The following TTI2 variants were observed in gnomAD, a reference collection of about 807,000 sequenced individuals.
The protein encoded by TTI2 is TELO2 interacting protein 2, also known as TELO2-interacting protein 2.
TTI2 carries 26 observed loss-of-function variants against 44.9 expected under a neutral mutation model. That is an observed-to-expected ratio of 0.58 (90% CI 0.42 to 0.80). The LOEUF (loss-of-function observed/expected upper bound fraction) is 0.80. Among genes scored for constraint, TTI2 ranks in the 30% least tolerant of loss-of-function variants. TTI2 has a pLI of 0.00. For synonymous variants in TTI2, 254 were observed against 250.9 expected (o/e 1.01, Z -0.12); for missense variants, 582 against 611.6 (o/e 0.95, Z 0.51).
Position 33,505,739 on chromosome 8 carries a change from C to T in TTI2, c.927+1490G>A, listed in dbSNP as rs527469889. The stretch of plus-strand genomic sequence containing the variant: ...CGCGATCTTGGCTCACCGCAACCTC[C>T]GCCTCCTGGGTTCAAGTGATTCTCC... On this transcript the variant is annotated intron_variant, in intron 4 of 7. Coordinates refer to ENST00000431156, the MANE Select transcript of TTI2 (RefSeq NM_001102401.4). 8.8e-4 allele frequency among the ~76,000 whole-genome samples: 133 copies of T among 151,982 alleles called. 1 individual carries two copies. The highest frequency in any genetic ancestry group is 2.5e-3 in the African/African-American group (103 of 41,464).
intron 7 of TTI2, 185 bp from the exon 8 acceptor site, chr8:33,499,462 A>G (rs965728891): frequency 1.1e-5 from 6 of 547,838 alleles, no homozygotes; most frequent in Non-Finnish European, 1.9e-5. Flanking sequence ...TATAGCTCTC[A>G]TGTATTGAAG....
At chr8:33,512,877 TAAAAAA>T (rs61291473) in intron 1 of TTI2, 165 bp from the exon 2 acceptor site, 22 of 93,164 alleles carry the variant, frequency 2.4e-4, no homozygotes, top group South Asian at 8.6e-4. Flanking sequence ...TCCGTCTCAG[TAAAAAA>T]AAAAAAAAAA....
In TTI2 at chr8:33,498,826, A is replaced by C. The variant is rs1167189011; in HGVS notation, c.*347T>G. On this transcript the variant is annotated 3_prime_UTR_variant, in exon 8 of 8. Coordinates refer to ENST00000431156, the MANE Select transcript of TTI2 (RefSeq NM_001102401.4). ...TGAAGAAAGCTAAGTTGTGAACAAGAGTGTTTTTATAGCATATGTGTTGAA... is the reference window on the plus strand; with the variant it reads ...TGAAGAAAGCTAAGTTGTGAACAAGCGTGTTTTTATAGCATATGTGTTGAA... 11 of 617,902 alleles carry C rather than the reference A, an allele frequency of 1.8e-5. No homozygotes were observed. The highest frequency in any genetic ancestry group is 9.2e-5 in the Admixed American group (3 of 32,782). The allele number at this position is 617,902 out of a possible 1,614,324, so 38.3% of individuals were successfully genotyped here.
rs962681131 is a variant in TTI2 at position 33,503,776 on chromosome 8, C to A, written c.1087G>T (p.Ala363Ser). The A allele has an allele frequency of 6.2e-7, 1 of 1,613,864 alleles. No individual in the cohort carries two copies. The highest frequency in any genetic ancestry group is 1.3e-5 in the African/African-American group (1 of 75,024). ...EHRLLLRRTY[A>S]RNLPAFVNRL... ...TTCACGAAAGCCGGCAGGTTTCTTG[C>A]GTAGGTCCTGCGTAAAAGAAGGCGG... The change falls in exon 5 of 8, where the codon GCA (alanine) becomes TCA (serine). Residue 363 changes from alanine (A) to serine (S), a missense_variant. Ala to Ser is a moderately conservative substitution (Grantham distance 99). Transcript: ENST00000431156.
intron 6 of TTI2, among the ~76,000 whole-genome samples, chr8:33,502,064 C>T (rs1809100207): frequency 6.6e-6 from 1 of 152,150 alleles, no homozygotes; most frequent in African/African-American, 2.4e-5. Context: ...CTGCTTCAGC[C>T]TCCTGAGTAG....
chr8:33,499,007 G>T lies in TTI2; in HGVS notation c.*166C>A. 2 of 635,556 alleles carry T rather than the reference G, an allele frequency of 3.1e-6. No homozygotes were observed. Among genetic ancestry groups the T allele is most frequent in the Non-Finnish European group, 5.4e-6 (2 of 367,140 alleles). The allele number at this position is 635,556 out of a possible 1,614,324, so 39.4% of individuals were successfully genotyped here. A position where few individuals can be genotyped will look rare whatever the true frequency, so the allele number is the denominator to read the frequency against. ...AATGGAAGGAGTTCAATTTTTTCTT[G>T]TTCTACTTTCCCTATTCTTATGGAG... is the stretch of plus-strand genomic sequence containing the variant. On this transcript the variant is annotated 3_prime_UTR_variant, in exon 8 of 8. Coordinates refer to ENST00000431156, the MANE Select transcript of TTI2 (RefSeq NM_001102401.4).
intron 2 of TTI2, 39 bp downstream of exon 2, chr8:33,511,928 G>C: frequency 6.2e-7 from 1 of 1,602,666 alleles, no homozygotes; most frequent in Non-Finnish European, 8.5e-7. Context: ...ATAAAAAACT[G>C]TGAGGCTCAA....
chr8:33,505,800 C>T (rs775370112), intron 4 of TTI2, among the ~76,000 whole-genome samples: 24 of 152,158 alleles, frequency 1.6e-4, no homozygotes, highest in African/African-American at 4.3e-4. Flanking sequence ...ACTACAGACA[C>T]GTGCCACCAT....
At chr8:33,512,878 A>T (rs71512674) in intron 1 of TTI2, 166 bp from the exon 2 acceptor site, 21 of 87,304 alleles carry the variant, frequency 2.4e-4, no homozygotes, top group East Asian at 8.6e-4. Flanking sequence ...CCGTCTCAGT[A>T]AAAAAAAAAA....
intron 4 of TTI2, among the ~76,000 whole-genome samples, chr8:33,504,231 A>G (rs1320645871): frequency 6.6e-6 from 1 of 151,030 alleles, no homozygotes; most frequent in Non-Finnish European, 1.5e-5. Flanking sequence ...TAGGAATCTA[A>G]GTCTACTGTT....
At position 33,511,977 on chromosome 8, in the gene TTI2, C is replaced by T. The variant is rs1472798454; in HGVS notation, c.637G>A (p.Asp213Asn). 24 of 1,614,186 alleles carry T rather than the reference C, an allele frequency of 1.5e-5. No individual in the cohort carries two copies. Among genetic ancestry groups the T allele is most frequent in the Non-Finnish European group, 1.9e-5 (23 of 1,180,032 alleles). The change falls in exon 2 of 8, where the codon GAC (aspartate) becomes AAC (asparagine). Residue 213 changes from aspartate (D) to asparagine (N), a missense_variant. Asp to Asn is a conservative substitution (Grantham distance 23). Transcript: ENST00000431156. ...GGCAGGAGTACTCACTTATACAAGT[C>T]GGGTTTGAGAAGCCCTAGTATCACC... ...LSVILGLLKP[D>N]LYKESWKNNP...
Position 33,499,013 on chromosome 8 carries a change from C to T in TTI2, c.*160G>A, listed in dbSNP as rs1808956172. On this transcript the variant is annotated 3_prime_UTR_variant, in exon 8 of 8. Coordinates refer to ENST00000431156, the MANE Select transcript of TTI2 (RefSeq NM_001102401.4). ...AGGAGTTCAATTTTTTCTTGTTCTA[C>T]TTTCCCTATTCTTATGGAGGTAAAA... 2 of 650,666 alleles carry T rather than the reference C, an allele frequency of 3.1e-6. No individual in the cohort carries two copies. The highest frequency in any genetic ancestry group is 5.3e-6 in the Non-Finnish European group (2 of 378,680). 40.3% of individuals were successfully genotyped at this position (650,666 alleles called of 1,614,324 possible). A position where few individuals can be genotyped will look rare whatever the true frequency, so the allele number is the denominator to read the frequency against.
chr8:33,506,063 G>C (rs1248867454), intron 4 of TTI2, among the ~76,000 whole-genome samples: 1 of 152,158 alleles, frequency 6.6e-6, no homozygotes, highest in Non-Finnish European at 1.5e-5. Context: ...GGGATTACAG[G>C]CGTGAGCCCT....
At chr8:33,508,588 A>C (rs1456188979) in intron 3 of TTI2, among the ~76,000 whole-genome samples, 1 of 138,224 alleles carries the variant, frequency 7.2e-6, no homozygotes, top group Non-Finnish European at 1.6e-5. Flanking sequence ...TCCAGCCTCC[A>C]GCGTAAGCGA....
At position 33,502,859 on chromosome 8, in the gene TTI2, G is replaced by C. The variant is rs576911637; in HGVS notation, c.1259+570C>G. On this transcript the variant is annotated intron_variant, in intron 6 of 7. Coordinates refer to ENST00000431156, the MANE Select transcript of TTI2 (RefSeq NM_001102401.4). Reference sequence around the variant, plus strand: ...AAACAAAAACAAAAGGCTGGGCATGGTGGCTCACGCCTGTAACCCCAGCAC... The same window carrying C: ...AAACAAAAACAAAAGGCTGGGCATGCTGGCTCACGCCTGTAACCCCAGCAC... Among the ~76,000 whole-genome samples, 8 of 151,588 alleles carry C rather than the reference G, an allele frequency of 5.3e-5. No individual in the cohort carries two copies. In the South Asian group the frequency reaches 1.7e-3, roughly 32 times the overall value.
intron 3 of TTI2, among the ~76,000 whole-genome samples, chr8:33,508,460 AAGT>A (rs1320962502): frequency 7.9e-5 from 12 of 151,886 alleles, no homozygotes; most frequent in African/African-American, 2.9e-4. Flanking sequence ...AAAAAAGAAA[AAGT>A]AGCTGAGCAT....
intron 4 of TTI2, among the ~76,000 whole-genome samples, chr8:33,506,389 CTT>C (rs10542848): frequency 0.015 from 1,608 of 106,882 alleles, 17 homozygotes; most frequent in African/African-American, 0.049. Context: ...AAGTAACGTA[CTT>C]TTTTTTTTTT....
At chr8:33,503,053 C>T (rs2128827739) in intron 6 of TTI2, among the ~76,000 whole-genome samples, 1 of 148,878 alleles carries the variant, frequency 6.7e-6, no homozygotes, top group East Asian at 2.0e-4. Flanking sequence ...CACTTGAACC[C>T]AGGAGGCAGA....
chr8:33,508,073 G>T (rs565676104), intron 3 of TTI2, among the ~76,000 whole-genome samples: 30 of 63,482 alleles, frequency 4.7e-4, no homozygotes, highest in Middle Eastern at 0.028. Flanking sequence ...CAAAGAAAAT[G>T]TGGCTAGCGG....
Sources: allele counts gnomAD v4.1 joint callset (sites outside exome capture counted in the v4.1 genomes callset), GRCh38; gene constraint gnomAD v4.1.1; transcripts MANE v1.5; gene names NCBI Gene and HGNC (gene_info 2026-07-23, HGNC 2026-07-21).